GPR141: variants seen among roughly 807,000 people sequenced by gnomAD.
GPR141 encodes the protein probable G protein-coupled receptor 141.
GPR141 carries 6 observed loss-of-function variants against 6.8 expected under a neutral mutation model. The ratio of observed to expected loss-of-function variants is 0.88; its 90% CI spans 0.48 to 1.74. The LOEUF (loss-of-function observed/expected upper bound fraction) is 1.74, where lower values mean the gene tolerates loss of function less well. Among genes scored for constraint, GPR141 ranks in the 40% most tolerant of loss-of-function variants. GPR141 has a pLI of 0.01. For synonymous variants in GPR141, 140 were observed against 142.3 expected (o/e 0.98, Z 0.11); for missense variants, 372 against 372.9 (o/e 1.00, Z 0.02).
intron 2 of GPR141, among the ~76,000 whole-genome samples, chr7:37,688,919 A>G (rs528515150): frequency 6.6e-6 from 1 of 152,220 alleles, no homozygotes; most frequent in African/African-American, 2.4e-5. Context: ...AAGTATATAA[A>G]ATTTACCATT....
intron 2 of GPR141, among the ~76,000 whole-genome samples, chr7:37,704,231 A>ATT (rs57106804): frequency 2.0e-5 from 3 of 146,908 alleles, no homozygotes; most frequent in Admixed American, 6.8e-5. Flanking sequence ...TCTGGAGTTG[A>ATT]TTTTTTTTTT....
intron 2 of GPR141, among the ~76,000 whole-genome samples, chr7:37,710,146 A>G (rs945780315): frequency 3.3e-5 from 5 of 151,816 alleles, no homozygotes; most frequent in African/African-American, 1.2e-4. Context: ...TCTTCATAAT[A>G]GAAAATGGAA....
intron 2 of GPR141, among the ~76,000 whole-genome samples, chr7:37,688,882 T>A (rs1005847598): frequency 6.6e-6 from 1 of 152,170 alleles, no homozygotes; most frequent in Non-Finnish European, 1.5e-5. Context: ...TCTTTTCCCC[T>A]TTCTTTTAAA....
intron 2 of GPR141, among the ~76,000 whole-genome samples, chr7:37,703,171 A>G (rs1810369683): frequency 6.6e-6 from 1 of 151,866 alleles, no homozygotes; most frequent in South Asian, 2.1e-4. Context: ...TATTATTTTC[A>G]CTCATTTTTT....
intron 2 of GPR141, among the ~76,000 whole-genome samples, chr7:37,737,486 C>T (rs1812301139): frequency 6.6e-6 from 1 of 152,192 alleles, no homozygotes; most frequent in Admixed American, 6.5e-5. Context: ...GGTTATACAA[C>T]TTGCGGCCCA....
chr7:37,717,358 T>C (rs1365885524), intron 2 of GPR141, among the ~76,000 whole-genome samples: 3 of 152,222 alleles, frequency 2.0e-5, no homozygotes, highest in Non-Finnish European at 4.4e-5. Context: ...TATTGAAATC[T>C]CCCTTTCCCC....
chr7:37,689,315 C>T (rs1400386827), intron 2 of GPR141, among the ~76,000 whole-genome samples: 3 of 152,060 alleles, frequency 2.0e-5, no homozygotes, highest in East Asian at 3.9e-4. Context: ...AGGATTTTTG[C>T]ATCTGTGCTC....
chr7:37,701,248 G>A (rs1228570480), intron 2 of GPR141, among the ~76,000 whole-genome samples: 1 of 152,076 alleles, frequency 6.6e-6, no homozygotes, highest in African/African-American at 2.4e-5. Flanking sequence ...GTACCTCATT[G>A]TACATTCATT....
In GPR141 at chr7:37,703,540, T is replaced by C. The variant is rs117619950; in HGVS notation, c.-15+17957T>C. Among the ~76,000 whole-genome samples the C allele has an allele frequency of 4.9e-3, 746 of 152,330 alleles. 4 individuals carry two copies. Among genetic ancestry groups the C allele is most frequent in the South Asian group, 0.011 (52 of 4,832 alleles). ...TCCTTTTTGTAATTTTCATTTTTCT[T>C]ACAGGAACATAGCATAGTTGCTAAG... On this transcript the variant is annotated intron_variant, in intron 2 of 2. Transcript: ENST00000334425.
rs1436067548 is a variant in GPR141 at position 37,740,712 on chromosome 7, G to A, written c.319G>A (p.Val107Met). Residue 107 changes from valine (V) to methionine (M), a missense_variant, in exon 3 of 3, where the codon GTG becomes ATG. Physicochemically the swap from Val to Met is conservative, Grantham distance 21. Coordinates refer to ENST00000334425, the MANE Select transcript of GPR141 (RefSeq NM_001381946.1). Reference sequence around the variant, plus strand: ...CATGTACCTCACGTTCCTATTCTATGTGGTGATCCTGGTCACCAGATACCT... The same window carrying A: ...CATGTACCTCACGTTCCTATTCTATATGGTGATCCTGGTCACCAGATACCT... ...IHMYLTFLFY[V>M]VILVTRYLIF... 3 of 1,613,990 alleles carry A rather than the reference G, an allele frequency of 1.9e-6. No individual in the cohort carries two copies. Among genetic ancestry groups the A allele is most frequent in the Admixed American group, 1.7e-5 (1 of 60,002 alleles).
At chr7:37,731,800 G>C (rs10271027) in intron 2 of GPR141, among the ~76,000 whole-genome samples, 59,898 of 151,876 alleles carry the variant, frequency 0.39, 11,989 homozygotes, top group African/African-American at 0.45. Flanking sequence ...TGCCCCAATC[G>C]CTTTCTGTCC....
chr7:37,725,580 G>A (rs577929546), intron 2 of GPR141, among the ~76,000 whole-genome samples: 6 of 152,258 alleles, frequency 3.9e-5, no homozygotes, highest in East Asian at 3.9e-4. Context: ...CAGCTCAGAC[G>A]CAATTTCTTT....
intron 2 of GPR141, among the ~76,000 whole-genome samples, chr7:37,690,814 A>C (rs1809724993): frequency 6.6e-6 from 1 of 152,058 alleles, no homozygotes. Flanking sequence ...TGTTCTGTAA[A>C]TATCAGTTAG....
chr7:37,711,706 C>G (rs2131788491), intron 2 of GPR141, among the ~76,000 whole-genome samples: 1 of 152,316 alleles, frequency 6.6e-6, no homozygotes, highest in African/African-American at 2.4e-5. Context: ...TGGAGGCAAC[C>G]TTTCTCTGAA....
At chr7:37,722,203 A>G (rs890588416) in intron 2 of GPR141, among the ~76,000 whole-genome samples, 1 of 152,228 alleles carries the variant, frequency 6.6e-6, no homozygotes, top group Non-Finnish European at 1.5e-5. Flanking sequence ...AGAGTTATTT[A>G]TAACAATAAG....
intron 2 of GPR141, among the ~76,000 whole-genome samples, chr7:37,739,703 G>A (rs1360109790): frequency 2.0e-5 from 3 of 152,108 alleles, no homozygotes; most frequent in African/African-American, 7.2e-5. Context: ...TCACGAATTT[G>A]CAAGGCCTTT....
intron 2 of GPR141, chr7:37,729,872 G>A (rs1811832238): frequency 6.6e-6 from 1 of 152,218 alleles, no homozygotes; most frequent in South Asian, 2.1e-4. Flanking sequence ...GGAATGGATT[G>A]TCTCCGTGGA....
intron 2 of GPR141, among the ~76,000 whole-genome samples, chr7:37,731,389 T>C (rs946715830): frequency 1.3e-5 from 2 of 152,108 alleles, no homozygotes; most frequent in Admixed American, 6.5e-5. Flanking sequence ...GGTGTCTCTC[T>C]GAAAGAAATG....
chr7:37,707,921 T>C (rs1293840264), intron 2 of GPR141, among the ~76,000 whole-genome samples: 1 of 152,120 alleles, frequency 6.6e-6, no homozygotes, highest in African/African-American at 2.4e-5. Context: ...TTCTGCACAA[T>C]GTGATAAAGG....
Sources: allele counts gnomAD v4.1 joint callset (sites outside exome capture counted in the v4.1 genomes callset), GRCh38; gene constraint gnomAD v4.1.1; transcripts MANE v1.5; gene names NCBI Gene and HGNC (gene_info 2026-07-23, HGNC 2026-07-21).